CDH12: variants seen among roughly 807,000 people sequenced by gnomAD.
CDH12 encodes cadherin 12.
Under a neutral mutation model 74.1 loss-of-function variants are expected in CDH12, and 41 were observed. The ratio of observed to expected loss-of-function variants is 0.55; its 90% CI spans 0.43 to 0.72. The LOEUF (loss-of-function observed/expected upper bound fraction) is 0.72, where lower values mean the gene tolerates loss of function less well. Ranked by LOEUF, CDH12 falls within the 30% of genes least tolerant of loss-of-function variation. The pLI, the probability that CDH12 is intolerant of heterozygous loss-of-function variation, is 0.00. For missense variants in CDH12, 945 were observed against 977.2 expected, an observed-to-expected ratio of 0.97 and a Z score of 0.44; for synonymous variants, 399 against 355.0, an observed-to-expected ratio of 1.12 and a Z score of -1.39.
intron 1 of CDH12, among the ~76,000 whole-genome samples, chr5:22,566,188 G>T (rs1167314030): frequency 1.3e-5 from 2 of 151,764 alleles, no homozygotes; most frequent in Non-Finnish European, 2.9e-5. Context: ...AAATACCTGA[G>T]ATTCTTGTAC....
At chr5:21,933,976 A>G (rs993803309) in intron 6 of CDH12, among the ~76,000 whole-genome samples, 4 of 152,260 alleles carry the variant, frequency 2.6e-5, no homozygotes, top group Non-Finnish European at 5.9e-5. Context: ...GGCCACAGCC[A>G]TAAGATTTAT....
In CDH12 at chr5:22,733,678, G is replaced by A. The variant is rs557115446; in HGVS notation, c.-523+119380C>T. On this transcript the variant is annotated intron_variant, in intron 1 of 14. Coordinates refer to ENST00000382254, the MANE Select transcript of CDH12 (RefSeq NM_004061.5). ...CGTGAAATGAACAATACATGTTGTA[G>A]CCTGGGCAAAAGCACAAATGAAATA... Among the ~76,000 whole-genome samples the A allele has an allele frequency of 2.7e-4, 41 of 151,986 alleles. No individual in the cohort carries two copies. The South Asian group carries it at 7.9e-3, about 29-fold the overall frequency.
At chr5:22,063,775 A>G (rs1342052806) in intron 5 of CDH12, among the ~76,000 whole-genome samples, 1 of 151,980 alleles carries the variant, frequency 6.6e-6, no homozygotes, top group African/African-American at 2.4e-5. Flanking sequence ...GATGGGCTTC[A>G]TTCAATTAGT....
intron 1 of CDH12, among the ~76,000 whole-genome samples, chr5:22,666,298 T>TG (rs1580867063): frequency 2.1e-5 from 2 of 93,784 alleles, no homozygotes; most frequent in East Asian, 5.7e-4. Context: ...TTTTTTTTTT[T>TG]TTTGTTTTTG....
intron 4 of CDH12, among the ~76,000 whole-genome samples, chr5:22,198,621 C>T (rs1750756136): frequency 6.6e-6 from 1 of 152,038 alleles, no homozygotes; most frequent in South Asian, 2.1e-4. Flanking sequence ...GAAAACTCTA[C>T]TTTCTATTCC....
intron 4 of CDH12, among the ~76,000 whole-genome samples, chr5:22,182,007 A>C (rs1749674464): frequency 6.6e-6 from 1 of 152,116 alleles, no homozygotes; most frequent in Non-Finnish European, 1.5e-5. Flanking sequence ...ATGCACTCTG[A>C]CTTTTTCAGT....
At chr5:22,039,142 A>AT (rs1739397791) in intron 5 of CDH12, among the ~76,000 whole-genome samples, 1 of 152,062 alleles carries the variant, frequency 6.6e-6, no homozygotes. Flanking sequence ...TCCAGGGTCT[A>AT]CTACATGGGA....
chr5:22,250,180 A>G (rs1443925950), intron 3 of CDH12, among the ~76,000 whole-genome samples: 2 of 135,566 alleles, frequency 1.5e-5, no homozygotes, highest in Non-Finnish European at 3.2e-5. Flanking sequence ...TAAATATTAA[A>G]AAAGAAAAGA....
At chr5:21,754,167 C>A (rs145666391) in intron 14 of CDH12, among the ~76,000 whole-genome samples, 3 of 151,972 alleles carry the variant, frequency 2.0e-5, no homozygotes, top group African/African-American at 7.2e-5. Flanking sequence ...GGCCTTTGTG[C>A]GGGGTTGTGA....
chr5:22,126,273 C>G (rs1745863698), intron 4 of CDH12, among the ~76,000 whole-genome samples: 1 of 152,050 alleles, frequency 6.6e-6, no homozygotes, highest in African/African-American at 2.4e-5. Context: ...TAGATTATAT[C>G]AAAGGAAACC....
chr5:22,781,492 C>A (rs1437831330), intron 1 of CDH12, among the ~76,000 whole-genome samples: 1 of 152,124 alleles, frequency 6.6e-6, no homozygotes, highest in Non-Finnish European at 1.5e-5. Flanking sequence ...CCCCAAGTCT[C>A]CTCCCACCAC....
intron 6 of CDH12, among the ~76,000 whole-genome samples, chr5:21,917,597 ATTTTC>A (rs772417002): frequency 6.6e-6 from 1 of 152,144 alleles, no homozygotes; most frequent in Non-Finnish European, 1.5e-5. Context: ...GTGTATCTTT[ATTTTC>A]TATGTGATGA....
chr5:22,128,706 T>C (rs1001358105), intron 4 of CDH12, among the ~76,000 whole-genome samples: 3 of 152,164 alleles, frequency 2.0e-5, no homozygotes, highest in African/African-American at 7.2e-5. Context: ...TCCCACTTCT[T>C]CTCCCCCACT....
chr5:22,326,338 C>T (rs1279957660), intron 3 of CDH12, among the ~76,000 whole-genome samples: 2 of 152,054 alleles, frequency 1.3e-5, no homozygotes, highest in Admixed American at 1.3e-4. Context: ...GGGGTTCACG[C>T]CATTCTCCTG....
At chr5:21,939,360 T>G (rs1451597699) in intron 6 of CDH12, among the ~76,000 whole-genome samples, 1 of 151,776 alleles carries the variant, frequency 6.6e-6, no homozygotes, top group Non-Finnish European at 1.5e-5. Flanking sequence ...AAAATGCCAG[T>G]AAGGTAATAT....
chr5:22,461,387 A>G (rs1189865425), intron 2 of CDH12, among the ~76,000 whole-genome samples: 2 of 151,850 alleles, frequency 1.3e-5, no homozygotes, highest in Non-Finnish European at 2.9e-5. Flanking sequence ...TGAGTAGAGA[A>G]TAATCATTTT....
chr5:22,019,435 G>A (rs1002662395), intron 5 of CDH12, among the ~76,000 whole-genome samples: 1 of 152,114 alleles, frequency 6.6e-6, no homozygotes. Flanking sequence ...TGTTGAAATT[G>A]TAACTCCAAT....
intron 2 of CDH12, among the ~76,000 whole-genome samples, chr5:22,504,876 C>T (rs1210012592): frequency 2.0e-5 from 3 of 151,764 alleles, no homozygotes; most frequent in Admixed American, 2.0e-4. Flanking sequence ...AAAAATAATA[C>T]CCGCTAATTA....
At chr5:22,419,999 T>TTTG (rs1561389695) in intron 2 of CDH12, among the ~76,000 whole-genome samples, 2 of 152,044 alleles carry the variant, frequency 1.3e-5, no homozygotes, top group African/African-American at 4.8e-5. Flanking sequence ...TGGGGTTTTT[T>TTTG]TTTGTTTGTT....
Sources: allele counts gnomAD v4.1 joint callset (sites outside exome capture counted in the v4.1 genomes callset), GRCh38; gene constraint gnomAD v4.1.1; transcripts MANE v1.5; gene names NCBI Gene and HGNC (gene_info 2026-07-23, HGNC 2026-07-21).